Variants in FGD3 observed in about 807,000 individuals in gnomAD.
FGD3 encodes the protein FYVE, RhoGEF and PH domain-containing protein 3.
FGD3 carries 45 observed loss-of-function variants against 71.8 expected under a neutral mutation model. The observed-to-expected ratio is 0.63, with a 90% confidence interval of 0.49 to 0.80. FGD3 has a LOEUF of 0.80. Among genes scored for constraint, FGD3 ranks in the 30% least tolerant of loss-of-function variants. FGD3 has a pLI of 0.00. For missense variants in FGD3, 844 were observed against 951.5 expected, an observed-to-expected ratio of 0.89 and a Z score of 1.49; for synonymous variants, 378 against 392.8, an observed-to-expected ratio of 0.96 and a Z score of 0.44.
chr9:92,992,763 G>A (rs778577585), intron 3 of FGD3, among the ~76,000 whole-genome samples: 110 of 152,280 alleles, frequency 7.2e-4, no homozygotes, highest in Non-Finnish European at 1.2e-3. Context: ...CAGCAGCCTC[G>A]TTCACAGTGG....
At position 93,006,048 on chromosome 9, in the gene FGD3, C is replaced by A; in HGVS notation, c.705C>A (p.Asp235Glu). 6.2e-7 allele frequency: 1 copy of A among 1,609,688 alleles called. No individual in the cohort carries two copies. The highest frequency in any genetic ancestry group is 8.5e-7 in the Non-Finnish European group (1 of 1,178,334). ...GGGACACAAACCCACGGCTCGGGGA[C>A]ATCCTGCAGAAGCTGGCCCCATTCC... ...EEWDTNPRLG[D>E]ILQKLAPFLK... Residue 235 changes from aspartate (D) to glutamate (E), a missense_variant, in exon 6 of 18, where the codon GAC becomes GAA. Asp to Glu is a conservative substitution (Grantham distance 45). Coordinates refer to ENST00000375482, the MANE Select transcript of FGD3 (RefSeq NM_001083536.2).
intron 3 of FGD3, among the ~76,000 whole-genome samples, chr9:92,984,723 G>A (rs1860125959): frequency 1.3e-5 from 2 of 152,132 alleles, no homozygotes; most frequent in African/African-American, 4.8e-5. Context: ...CCCCAAAGAG[G>A]TGTAGGGTAT....
At chr9:93,016,229 G>A (rs1019007912) in intron 10 of FGD3, among the ~76,000 whole-genome samples, 9 of 152,078 alleles carry the variant, frequency 5.9e-5, no homozygotes, top group African/African-American at 1.9e-4. Flanking sequence ...GGCGGGGGCC[G>A]GCTTCCCTTG....
intron 3 of FGD3, among the ~76,000 whole-genome samples, chr9:92,977,197 C>T (rs1368089113): frequency 6.6e-6 from 1 of 152,176 alleles, no homozygotes; most frequent in Non-Finnish European, 1.5e-5. Flanking sequence ...CTCTTCAGGA[C>T]ATGGTGGGGC....
Position 92,954,212 on chromosome 9 carries a change from T to G in FGD3, c.-218+6483T>G, listed in dbSNP as rs141546405. Among the ~76,000 whole-genome samples the G allele has an allele frequency of 3.9e-5, 6 of 152,282 alleles. 1 individual carries two copies. The East Asian group carries it at 9.6e-4, about 24-fold the overall frequency. On this transcript the variant is annotated intron_variant, in intron 1 of 17. Coordinates refer to ENST00000375482, the MANE Select transcript of FGD3 (RefSeq NM_001083536.2). ...TAGGTCACATGTTGAGTAGGATTTGTCTTGGAGCCTGAACGCTGACAAAGG... is the reference window on the plus strand; with the variant it reads ...TAGGTCACATGTTGAGTAGGATTTGGCTTGGAGCCTGAACGCTGACAAAGG...
At position 92,952,516 on chromosome 9, in the gene FGD3, T is replaced by C. The variant is rs550310998; in HGVS notation, c.-218+4787T>C. On this transcript the variant is annotated intron_variant, in intron 1 of 17. Coordinates refer to ENST00000375482, the MANE Select transcript of FGD3 (RefSeq NM_001083536.2). ...CCTTCCAAAGTGCTGGGATTACAGG[T>C]GTGAGCCACCGCGCCCGGCCCGAAA... 2.7e-3 allele frequency among the ~76,000 whole-genome samples: 415 copies of C among 151,986 alleles called. 1 individual carries two copies. Among genetic ancestry groups the C allele is most frequent in the Non-Finnish European group, 4.7e-3 (322 of 67,954 alleles).
At chr9:93,014,711 G>A (rs111600561) in intron 9 of FGD3, among the ~76,000 whole-genome samples, 10,330 of 151,890 alleles carry the variant, frequency 0.068, 554 homozygotes, top group African/African-American at 0.15. Flanking sequence ...GCTCAATCTC[G>A]GCTCACTGTA....
intron 14 of FGD3, among the ~76,000 whole-genome samples, chr9:93,023,781 C>A (rs1862015917): frequency 6.7e-6 from 1 of 149,910 alleles, no homozygotes; most frequent in East Asian, 2.0e-4. Flanking sequence ...TGACAGGAAC[C>A]CGCCCATCAG....
chr9:92,956,960 C>CTGAGTAGTTGGGACTACA (rs1859065215), intron 1 of FGD3, among the ~76,000 whole-genome samples: 1 of 151,736 alleles, frequency 6.6e-6, no homozygotes, highest in South Asian at 2.1e-4. Context: ...GCCTCAGCCT[C>CTGAGTAGTTGGGACTACA]TGAGTAGTTG....
intron 1 of FGD3, among the ~76,000 whole-genome samples, chr9:92,957,559 C>CT (rs996848091): frequency 6.2e-5 from 9 of 144,338 alleles, no homozygotes; most frequent in East Asian, 2.1e-4. Context: ...AATCGTTTGT[C>CT]TTTTTTTTTC....
Position 93,020,376 on chromosome 9 carries a change from T to G in FGD3, c.1446T>G (p.Gly482=), listed in dbSNP as rs1861869164. The G allele has an allele frequency of 6.2e-7, 1 of 1,613,248 alleles. No homozygotes were observed. Among genetic ancestry groups the G allele is most frequent in the Non-Finnish European group, 8.5e-7 (1 of 1,179,894 alleles). ...ACAGCGAAACCTTCAAGGCTTTTGG[T>G]GGCGCCTTCAGCCAGGATGAGGACC... ...KQNSETFKAF[G]GAFSQDEDPS... The change falls in exon 13 of 18, where the codon GGT becomes GGG. Residue 482 remains glycine, a synonymous_variant. Coordinates refer to ENST00000375482, the MANE Select transcript of FGD3 (RefSeq NM_001083536.2).
chr9:93,031,244 G>T (rs368250157), intron 15 of FGD3, among the ~76,000 whole-genome samples: 8 of 152,316 alleles, frequency 5.3e-5, no homozygotes, highest in African/African-American at 1.9e-4. Context: ...CTCAAACCTG[G>T]TTTCCCCATC....
chr9:93,022,948 G>A (rs1490686607), intron 14 of FGD3, among the ~76,000 whole-genome samples: 1 of 152,126 alleles, frequency 6.6e-6, no homozygotes, highest in East Asian at 1.9e-4. Context: ...GTGTCCACGC[G>A]CCCGCCTGCC....
At chr9:93,002,353 G>A (rs1401993669) in intron 3 of FGD3, among the ~76,000 whole-genome samples, 1 of 152,164 alleles carries the variant, frequency 6.6e-6, no homozygotes, top group East Asian at 1.9e-4. Context: ...GGAGGCTGAG[G>A]CGGGCAGATA....
chr9:92,966,743 A>G (rs1219198098), intron 1 of FGD3, among the ~76,000 whole-genome samples: 1 of 152,204 alleles, frequency 6.6e-6, no homozygotes, highest in Admixed American at 6.5e-5. Flanking sequence ...AGAAAGGGAC[A>G]CTAAGGATCC....
intron 6 of FGD3, among the ~76,000 whole-genome samples, chr9:93,009,178 G>A (rs1336594976): frequency 1.3e-5 from 2 of 151,940 alleles, no homozygotes; most frequent in Non-Finnish European, 2.9e-5. Context: ...CAGGAGAATT[G>A]CTTGAACCTG....
intron 16 of FGD3, chr9:93,034,294 T>C: frequency 2.1e-6 from 1 of 470,374 alleles, no homozygotes; most frequent in East Asian, 3.6e-5. Context: ...ACCCAGCATA[T>C]GGATGCCCTC....
At chr9:92,995,117 T>G (rs1032389815) in intron 3 of FGD3, among the ~76,000 whole-genome samples, 2 of 152,242 alleles carry the variant, frequency 1.3e-5, no homozygotes, top group Non-Finnish European at 2.9e-5. Context: ...CATGGAATGT[T>G]CTTCCATTTG....
intron 14 of FGD3, among the ~76,000 whole-genome samples, chr9:93,029,434 G>A (rs547612961): frequency 7.5e-4 from 114 of 152,298 alleles, no homozygotes; most frequent in African/African-American, 2.7e-3. Context: ...GGTGTGGCCC[G>A]CGGTGCCCAG....
Sources: allele counts gnomAD v4.1 joint callset (sites outside exome capture counted in the v4.1 genomes callset), GRCh38; gene constraint gnomAD v4.1.1; transcripts MANE v1.5; gene names NCBI Gene and HGNC (gene_info 2026-07-23, HGNC 2026-07-21).